Variants in CHCHD3 observed in about 807,000 individuals in gnomAD.
CHCHD3 encodes the protein coiled-coil-helix-coiled-coil-helix domain containing 3, also known as MICOS complex subunit MIC19.
In CHCHD3, 20 loss-of-function variants were observed where a neutral mutation model predicts 38.2. That is an observed-to-expected ratio of 0.52 (90% CI 0.37 to 0.76). The LOEUF (loss-of-function observed/expected upper bound fraction) is 0.76, where lower values mean the gene tolerates loss of function less well. CHCHD3 is among the 30% of genes least tolerant of loss of function. The pLI, the probability that CHCHD3 is intolerant of heterozygous loss-of-function variation, is 0.00. For missense variants in CHCHD3, 245 were observed against 279.2 expected (o/e 0.88, Z 0.87); for synonymous variants, 82 against 100.0 (o/e 0.82, Z 1.07).
intron 3 of CHCHD3, among the ~76,000 whole-genome samples, chr7:132,987,889 G>A (rs1313093117): frequency 6.6e-6 from 1 of 151,870 alleles, no homozygotes; most frequent in Non-Finnish European, 1.5e-5. Context: ...AAGACAAGGA[G>A]GATGAAGACC....
At chr7:133,011,257 C>T (rs1005260690) in intron 3 of CHCHD3, among the ~76,000 whole-genome samples, 1 of 152,076 alleles carries the variant, frequency 6.6e-6, no homozygotes, top group African/African-American at 2.4e-5. Context: ...TATGCTAAAC[C>T]TAATGAAGCC....
chr7:132,802,058 C>T (rs958669413), intron 6 of CHCHD3, among the ~76,000 whole-genome samples: 1 of 152,214 alleles, frequency 6.6e-6, no homozygotes, highest in Non-Finnish European at 1.5e-5. Flanking sequence ...TACACAGATA[C>T]ACAGTTCTTA....
intron 5 of CHCHD3, among the ~76,000 whole-genome samples, chr7:132,880,930 G>A (rs1809034392): frequency 6.6e-6 from 1 of 152,016 alleles, no homozygotes; most frequent in Admixed American, 6.6e-5. Flanking sequence ...CACCAACCAG[G>A]AATTAATACT....
intron 1 of CHCHD3, among the ~76,000 whole-genome samples, chr7:133,070,731 A>G (rs920709742): frequency 6.6e-6 from 1 of 152,098 alleles, no homozygotes. Flanking sequence ...ACTAGGCTAG[A>G]CTCTGAGTAT....
At chr7:132,812,105 C>A (rs920757241) in intron 6 of CHCHD3, among the ~76,000 whole-genome samples, 1 of 151,960 alleles carries the variant, frequency 6.6e-6, no homozygotes, top group Non-Finnish European at 1.5e-5. Context: ...TTGATACCTC[C>A]CCCTTTCCCC....
At chr7:132,835,825 T>C (rs1026829273) in intron 6 of CHCHD3, among the ~76,000 whole-genome samples, 15 of 152,154 alleles carry the variant, frequency 9.9e-5, no homozygotes, top group African/African-American at 3.4e-4. Flanking sequence ...AATTAAATTG[T>C]AGTGAGGTCA....
chr7:132,843,243 A>G (rs906752275), intron 5 of CHCHD3, among the ~76,000 whole-genome samples: 1 of 152,004 alleles, frequency 6.6e-6, no homozygotes, highest in Non-Finnish European at 1.5e-5. Flanking sequence ...TCTATGGACC[A>G]CCTGCTTCAG....
At chr7:132,963,658 T>C (rs1470984904) in intron 4 of CHCHD3, among the ~76,000 whole-genome samples, 1 of 149,350 alleles carries the variant, frequency 6.7e-6, no homozygotes, top group East Asian at 2.0e-4. Context: ...AATTTCCTAG[T>C]GTCTCTACCT....
chr7:132,913,948 C>CTTTTTTTTTTTT (rs71178066), intron 4 of CHCHD3, among the ~76,000 whole-genome samples: 1 of 102,346 alleles, frequency 9.8e-6, no homozygotes, highest in African/African-American at 3.7e-5. Flanking sequence ...TTTTCTTTTT[C>CTTTTTTTTTTTT]TTTTTTTTTT....
chr7:133,031,436 G>GA (rs993356527), intron 2 of CHCHD3, among the ~76,000 whole-genome samples: 11 of 151,936 alleles, frequency 7.2e-5, no homozygotes, highest in African/African-American at 2.7e-4. Context: ...TAGATTCCCT[G>GA]AACCTCAAGG....
chr7:132,859,879 T>G (rs1400740902), intron 5 of CHCHD3, among the ~76,000 whole-genome samples: 1 of 152,172 alleles, frequency 6.6e-6, no homozygotes, highest in Non-Finnish European at 1.5e-5. Flanking sequence ...AACTCCCAGA[T>G]CTATATACCC....
At chr7:132,819,056 T>C (rs1365786787) in intron 6 of CHCHD3, among the ~76,000 whole-genome samples, 1 of 152,236 alleles carries the variant, frequency 6.6e-6, no homozygotes, top group Non-Finnish European at 1.5e-5. Flanking sequence ...ATTTGCTGAA[T>C]GCATTTATTT....
intron 7 of CHCHD3, 131 bp from the exon 8 acceptor site, chr7:132,785,791 G>A (rs1199309489): frequency 3.2e-6 from 3 of 939,376 alleles, no homozygotes; most frequent in Non-Finnish European, 5.1e-6. Flanking sequence ...CAAGGCATAT[G>A]CTTCCTGTTC....
intron 6 of CHCHD3, among the ~76,000 whole-genome samples, chr7:132,818,121 G>A (rs1026125299): frequency 7.9e-5 from 12 of 152,110 alleles, no homozygotes; most frequent in Admixed American, 3.3e-4. Flanking sequence ...ACCGAATAAC[G>A]CTGCTGCCAG....
rs116329990 is a variant in CHCHD3, at chr7:132,878,033, C to T, written c.453+7629G>A. On this transcript the variant is annotated intron_variant, in intron 5 of 7. Coordinates refer to ENST00000262570, the MANE Select transcript of CHCHD3 (RefSeq NM_017812.4). ...GGGGAATATCAAACGGTTTCTTAAT[C>T]CCATAAACCAAGTTTAAGTTATCTC... Among the ~76,000 whole-genome samples, 1,045 of 152,236 alleles carry T rather than the reference C, an allele frequency of 6.9e-3. 15 individuals carry two copies. The highest frequency in any genetic ancestry group is 0.024 in the African/African-American group (992 of 41,542).
chr7:133,075,728 G>A (rs925665159), intron 1 of CHCHD3, among the ~76,000 whole-genome samples: 1 of 152,194 alleles, frequency 6.6e-6, no homozygotes, highest in Non-Finnish European at 1.5e-5. Flanking sequence ...GGGGTCGATA[G>A]TACAACACAA....
At chr7:132,819,218 C>T (rs1807279012) in intron 6 of CHCHD3, among the ~76,000 whole-genome samples, 1 of 152,130 alleles carries the variant, frequency 6.6e-6, no homozygotes, top group African/African-American at 2.4e-5. Flanking sequence ...TGGCAATGGG[C>T]CCTTCAAACT....
chr7:132,996,303 CACGCAG>C (rs1315313278), intron 3 of CHCHD3, among the ~76,000 whole-genome samples: 1 of 152,158 alleles, frequency 6.6e-6, no homozygotes, highest in African/African-American at 2.4e-5. Context: ...TGCAAAAGCA[CACGCAG>C]TTATTGACAT....
chr7:132,911,036 T>A (rs1271853656), intron 4 of CHCHD3, among the ~76,000 whole-genome samples: 1 of 152,114 alleles, frequency 6.6e-6, no homozygotes, highest in East Asian at 1.9e-4. Context: ...GAGCAGCAGA[T>A]GCAATAACAG....
Sources: allele counts gnomAD v4.1 joint callset (sites outside exome capture counted in the v4.1 genomes callset), GRCh38; gene constraint gnomAD v4.1.1; transcripts MANE v1.5; gene names NCBI Gene and HGNC (gene_info 2026-07-23, HGNC 2026-07-21).